WDR5: variants seen among roughly 807,000 people sequenced by gnomAD.
WDR5 encodes WD repeat-containing protein 5.
For synonymous variants in WDR5, 144 were observed against 161.6 expected (o/e 0.89, Z 0.83); for missense variants, 187 against 416.9 (o/e 0.45, Z 4.80).
intron 7 of WDR5, among the ~76,000 whole-genome samples, chr9:134,143,837 A>G (rs944216448): frequency 2.6e-5 from 4 of 152,024 alleles, no homozygotes; most frequent in African/African-American, 9.7e-5. Context: ...TTAAAAAAAA[A>G]AAAAAAATCA....
chr9:134,137,971 T>G (rs1352168076), intron 1 of WDR5, among the ~76,000 whole-genome samples: 16 of 152,198 alleles, frequency 1.1e-4, no homozygotes, highest in Non-Finnish European at 2.9e-5. Context: ...TTGAACTTCC[T>G]GACCTCGTGA....
upstream of WDR5, chr9:134,135,893 ACCAG>A (rs946174895): frequency 1.3e-5 from 2 of 150,080 alleles, no homozygotes; most frequent in African/African-American, 5.0e-5. Context: ...AAGGGCCTGC[ACCAG>A]TCAAATTCGG....
intron 4 of WDR5, 130 bp from the exon 5 acceptor site, chr9:134,141,819 T>G: frequency 3.1e-6 from 3 of 973,952 alleles, no homozygotes; most frequent in Non-Finnish European, 3.1e-6. Flanking sequence ...TCCTGGGCCG[T>G]GTGTCTTTTG....
At chr9:134,141,444 T>G in intron 3 of WDR5, 66 bp from the exon 4 acceptor site, 1 of 1,543,028 alleles carries the variant, frequency 6.5e-7, no homozygotes, top group South Asian at 1.1e-5. Context: ...AGCTCAGACT[T>G]TGGACTCTGG....
At chr9:134,141,019 C>T (rs1414163864) in intron 3 of WDR5, among the ~76,000 whole-genome samples, 5 of 152,108 alleles carry the variant, frequency 3.3e-5, no homozygotes, top group Non-Finnish European at 5.9e-5. Context: ...CGTGGTGGCT[C>T]ATGCCTGTAA....
chr9:134,151,318 G>C (rs575539872), intron 8 of WDR5, among the ~76,000 whole-genome samples: 2 of 152,296 alleles, frequency 1.3e-5, no homozygotes, highest in South Asian at 4.1e-4. Context: ...ATGGGTGAGA[G>C]ATGGGAGGGA....
rs756330692 is a variant in WDR5, at chr9:134,139,907, C to T, written c.30C>T (p.Thr10=). Residue 10 remains threonine (T), a synonymous_variant, in exon 2 of 14, where the codon ACC becomes ACT. Transcript: ENST00000358625. ...CGACGGAGGAGAAGAAGCCCGAGAC[C>T]GAGGCCGCCAGAGCACAGCCAACCC... MATEEKKPE[T]EAARAQPTPS... 27 of 1,613,354 alleles carry T rather than the reference C, an allele frequency of 1.7e-5. No homozygotes were observed. Among genetic ancestry groups the T allele is most frequent in the South Asian group, 1.4e-4 (13 of 91,076 alleles).
At chr9:134,149,645 C>T (rs182424314) in intron 8 of WDR5, among the ~76,000 whole-genome samples, 156 of 152,120 alleles carry the variant, frequency 1.0e-3, no homozygotes, top group African/African-American at 3.6e-3. Context: ...TAAGAACTTT[C>T]TAAAGAAATC....
chr9:134,138,283 TC>T (rs1588166804), intron 1 of WDR5, among the ~76,000 whole-genome samples: 1 of 152,264 alleles, frequency 6.6e-6, no homozygotes, highest in African/African-American at 2.4e-5. Flanking sequence ...CGCCTTCTGT[TC>T]CTCTGGTGTT....
At chr9:134,154,645 G>A (rs927013211) in intron 10 of WDR5, 104 bp downstream of exon 10, 10 of 1,322,274 alleles carry the variant, frequency 7.6e-6, no homozygotes, top group East Asian at 4.7e-5. Flanking sequence ...GGCTTGGCAC[G>A]GGATCCAGGC....
chr9:134,144,257 T>C (rs1408612582), intron 7 of WDR5, among the ~76,000 whole-genome samples: 1 of 152,218 alleles, frequency 6.6e-6, no homozygotes, highest in Non-Finnish European at 1.5e-5. Flanking sequence ...TGGCACCATG[T>C]GGCCCTGTGC....
At chr9:134,144,337 TAGTC>T (rs1404561148) in intron 7 of WDR5, among the ~76,000 whole-genome samples, 2 of 152,182 alleles carry the variant, frequency 1.3e-5, no homozygotes, top group Non-Finnish European at 1.5e-5. Context: ...CCTTGGGTCA[TAGTC>T]AGCAGAGCTG....
rs1030420139 is a variant in WDR5 at position 134,140,831 on chromosome 9, T to G, written c.190+20T>G. 1 of 1,606,348 alleles carries G rather than the reference T, an allele frequency of 6.2e-7. No homozygotes were observed. Among genetic ancestry groups the G allele is most frequent in the South Asian group, 1.1e-5 (1 of 90,956 alleles). The stretch of plus-strand genomic sequence containing the variant: ...GTTCATGTACGTAGCACTGAGGCCC[T>G]TAGCTGCTGGGAGAGGCGGTCTGAG... On this transcript the variant is annotated intron_variant, in intron 3 of 13. Transcript: ENST00000358625.
chr9:134,156,719 C>G, intron 13 of WDR5, 126 bp downstream of exon 13: 1 of 888,852 alleles, frequency 1.1e-6, no homozygotes, highest in African/African-American at 1.7e-5. Context: ...TCCGCTGGCC[C>G]CGCTGAGGAA....
intron 7 of WDR5, among the ~76,000 whole-genome samples, chr9:134,145,206 C>G (rs781699889): frequency 2.1e-5 from 3 of 145,772 alleles, no homozygotes; most frequent in Non-Finnish European, 3.0e-5. Flanking sequence ...TCAAGGGGTT[C>G]TCCTGCCTCA....
intron 9 of WDR5, among the ~76,000 whole-genome samples, chr9:134,152,322 C>A (rs1832537459): frequency 6.6e-6 from 1 of 152,230 alleles, no homozygotes; most frequent in African/African-American, 2.4e-5. Context: ...TCTGGGCAGC[C>A]CCATTGCCTC....
At chr9:134,145,057 C>CCG (rs1832100756) in intron 7 of WDR5, among the ~76,000 whole-genome samples, 1 of 149,760 alleles carries the variant, frequency 6.7e-6, no homozygotes, top group Non-Finnish European at 1.5e-5. Flanking sequence ...AGCTGCTGCT[C>CCG]TGTAGCTGTC....
At position 134,157,937 on chromosome 9, in the gene WDR5, G is replaced by A. The variant is rs746477625; in HGVS notation, c.949G>A (p.Ala317Thr). Residue 317 changes from alanine to threonine, a missense_variant, in exon 14 of 14, where the codon GCC becomes ACC. Ala to Thr is a moderately conservative substitution (Grantham distance 58). Transcript: ENST00000358625. This position sits in a 1 kb window ranked among gnomAD's most constrained non-coding sequence, Gnocchi z 5.0. ...TTGTCACCCAACAGAAAACATCATC[G>A]CCTCTGCTGCGCTAGAAAATGACAA... ...TACHPTENII[A>T]SAALENDKTI... The A allele has an allele frequency of 1.9e-6, 3 of 1,614,160 alleles. No homozygotes were observed. The highest frequency in any genetic ancestry group is 1.1e-5 in the South Asian group (1 of 91,082).
intron 8 of WDR5, 100 bp downstream of exon 8, chr9:134,148,443 C>T: frequency 9.3e-7 from 1 of 1,071,408 alleles, no homozygotes; most frequent in Non-Finnish European, 1.4e-6. Context: ...GACAAAAGAC[C>T]CAAGTCCTTA....
Sources: gnomAD v4.1 joint callset for allele counts (sites outside exome capture counted in the v4.1 genomes callset) on GRCh38, gnomAD v4.1.1 for gene constraint, Gnocchi (gnomAD v3.1) non-coding constraint, MANE v1.5 for transcripts, NCBI Gene and HGNC (gene_info 2026-07-23, HGNC 2026-07-21) for gene names.